Variants in IFNAR2 observed in about 807,000 individuals in gnomAD.
IFNAR2 encodes the protein interferon alpha/beta receptor 2.
Under a neutral mutation model 49.4 loss-of-function variants are expected in IFNAR2, and 30 were observed. The observed-to-expected ratio is 0.61, with a 90% CI of 0.45 to 0.82. IFNAR2 has a LOEUF of 0.82. Among genes scored for constraint, IFNAR2 ranks in the 40% least tolerant of loss-of-function variants. The pLI, the probability that IFNAR2 is intolerant of heterozygous loss-of-function variation, is 0.00. For synonymous variants in IFNAR2, 224 were observed against 234.5 expected, an observed-to-expected ratio of 0.96 and a Z score of 0.41; for missense variants, 600 against 622.7, an observed-to-expected ratio of 0.96 and a Z score of 0.39.
Position 33,263,744 on chromosome 21 carries a change from C to A in IFNAR2, c.*244C>A. On this transcript the variant is annotated 3_prime_UTR_variant, in exon 9 of 9. Coordinates refer to ENST00000342136, the MANE Select transcript of IFNAR2 (RefSeq NM_001289125.3). ...TTGAAGGAAGCACATGTGCACCTTTCCTTTACACTAATGCACTTAGGATGT... is the reference window on the plus strand; with the variant it reads ...TTGAAGGAAGCACATGTGCACCTTTACTTTACACTAATGCACTTAGGATGT... 1 of 515,222 alleles carries A rather than the reference C, an allele frequency of 1.9e-6. No individual in the cohort carries two copies. 31.9% of individuals were successfully genotyped at this position (515,222 alleles called of 1,614,324 possible).
chr21:33,263,616 CTG>C lies in IFNAR2; in HGVS notation c.*119_*120del, dbSNP rs767487515. On this transcript the variant is annotated 3_prime_UTR_variant, in exon 9 of 9. Transcript: ENST00000342136. ...GTTCTCCAAGGGAAGGAGGAGGAAA[CTG>C]TGGTGTTCCTTTCTTCCAGGTGACA... 36 of 960,040 alleles carry C rather than the reference CTG, an allele frequency of 3.7e-5. No individual in the cohort carries two copies. The highest frequency in any genetic ancestry group is 3.1e-4 in the South Asian group (18 of 58,994). 59.5% of individuals were successfully genotyped at this position (960,040 alleles called of 1,614,324 possible).
chr21:33,263,789 G>A lies in IFNAR2; in HGVS notation c.*289G>A, dbSNP rs1331960659. On this transcript the variant is annotated 3_prime_UTR_variant, in exon 9 of 9. Transcript: ENST00000342136. ...GGATGTTTCTGCATCATGTCTACCA[G>A]GGAGCAGGGTTCCCCACAGTTTCAG... The A allele has an allele frequency of 5.4e-6, 2 of 372,152 alleles. No individual in the cohort carries two copies. The highest frequency in any genetic ancestry group is 9.8e-6 in the Non-Finnish European group (2 of 203,850). 23.1% of individuals were successfully genotyped at this position (372,152 alleles called of 1,614,324 possible). A position where few individuals can be genotyped will look rare whatever the true frequency, so the allele number is the denominator to read the frequency against.
intron 1 of IFNAR2, among the ~76,000 whole-genome samples, chr21:33,241,371 TA>T (rs140202982): frequency 3.0e-4 from 45 of 152,218 alleles, no homozygotes; most frequent in African/African-American, 1.0e-3. Flanking sequence ...ATGTCTATAG[TA>T]GGGGTACTAA....
At chr21:33,262,703 G>A (rs1189435770) in intron 8 of IFNAR2, 90 bp from the exon 9 acceptor site, 2 of 1,543,386 alleles carry the variant, frequency 1.3e-6, no homozygotes, top group Middle Eastern at 1.7e-4. Context: ...GCATCCCTGT[G>A]CCCCAGTGAT....
chr21:33,241,801 C>T (rs903068307), intron 1 of IFNAR2, 39 bp from the exon 2 acceptor site: 1 of 1,473,042 alleles, frequency 6.8e-7, no homozygotes, highest in Non-Finnish European at 9.1e-7. Flanking sequence ...TTACAGGTCT[C>T]TCATTATCTT....
chr21:33,251,860 A>T, intron 6 of IFNAR2: 5 of 728,184 alleles, frequency 6.9e-6, no homozygotes, highest in Non-Finnish European at 8.4e-6. Flanking sequence ...AGGCAGGCAG[A>T]TCGCTTGCGG....
intron 1 of IFNAR2, among the ~76,000 whole-genome samples, chr21:33,240,572 G>A (rs1986843283): frequency 6.6e-6 from 1 of 152,142 alleles, no homozygotes; most frequent in African/African-American, 2.4e-5. Flanking sequence ...TGTAATCCCA[G>A]CACTTTGGGA....
rs546625529 is a variant in IFNAR2, at chr21:33,240,922, A to G, written c.-83-918A>G. 4.1e-4 allele frequency among the ~76,000 whole-genome samples: 63 copies of G among 152,330 alleles called. 2 individuals carry two copies. In the South Asian group the frequency reaches 0.013, roughly 32 times the overall value. On this transcript the variant is annotated intron_variant, in intron 1 of 8. Coordinates refer to ENST00000342136, the MANE Select transcript of IFNAR2 (RefSeq NM_001289125.3). ...GGATGGAACTGGAGGCCATTATCTT[A>G]AGAGAAACAACTCAGAAACAGTCAA... is the stretch of plus-strand genomic sequence containing the variant.
At chr21:33,248,007 G>A (rs1265044518) in intron 5 of IFNAR2, among the ~76,000 whole-genome samples, 1 of 152,154 alleles carries the variant, frequency 6.6e-6, no homozygotes, top group African/African-American at 2.4e-5. Context: ...CATGGTATTT[G>A]GGTTGTTAAA....
Position 33,230,051 on chromosome 21 carries a change from G to T in IFNAR2, c.-249G>T. ...AACAGTTCCCCGAGCGCAGCCCGCG[G>T]ACCACCACCCGGCCGCACGGGCCGC... On this transcript the variant is annotated 5_prime_UTR_variant, in exon 1 of 9. Transcript: ENST00000342136. The surrounding 1 kb of genome is among the most constrained non-coding windows in gnomAD (Gnocchi z 5.5). 1.0e-6 allele frequency: 1 copy of T among 986,050 alleles called. No individual in the cohort carries two copies. The highest frequency in any genetic ancestry group is 1.2e-6 in the Non-Finnish European group (1 of 830,150). 61.1% of individuals were successfully genotyped at this position (986,050 alleles called of 1,614,324 possible).
intron 1 of IFNAR2, among the ~76,000 whole-genome samples, chr21:33,234,028 A>G (rs1345122577): frequency 6.6e-6 from 1 of 152,032 alleles, no homozygotes; most frequent in Non-Finnish European, 1.5e-5. Context: ...GTGAATATAT[A>G]ATACTGCAAC....
chr21:33,244,635 C>G (rs1987251137), intron 3 of IFNAR2, among the ~76,000 whole-genome samples: 1 of 152,044 alleles, frequency 6.6e-6, no homozygotes, highest in African/African-American at 2.4e-5. Context: ...GCTGGGATGG[C>G]CTGGGTTATT....
intron 1 of IFNAR2, chr21:33,231,756 GT>G (rs1313286954): frequency 2.2e-6 from 2 of 915,808 alleles, no homozygotes; most frequent in Non-Finnish European, 2.6e-6. Context: ...GTTTGGTTTG[GT>G]TTTTGACAAA....
chr21:33,235,698 A>G (rs1041619911), intron 1 of IFNAR2, among the ~76,000 whole-genome samples: 1 of 152,184 alleles, frequency 6.6e-6, no homozygotes, highest in Non-Finnish European at 1.5e-5. Flanking sequence ...AGGCCAAGTC[A>G]GGTGGATCAT....
At chr21:33,244,901 A>G (rs756599198) in intron 3 of IFNAR2, 50 bp from the exon 4 acceptor site, 1 of 1,598,586 alleles carries the variant, frequency 6.3e-7, no homozygotes, top group Non-Finnish European at 8.6e-7. Context: ...AGTGGCCAGA[A>G]TACAACTGTG....
rs1231737490 is a variant in IFNAR2, at chr21:33,242,754, TGTGC to T, written c.55+781_55+784del. Among the ~76,000 whole-genome samples the T allele has an allele frequency of 9.0e-3, 56 of 6,194 alleles. 4 individuals are homozygous for T. Among genetic ancestry groups the T allele is most frequent in the Non-Finnish European group, 0.014 (48 of 3,436 alleles). The allele number at this position is 6,194 out of a possible 152,430, so 4.1% of individuals were successfully genotyped here. A position where few individuals can be genotyped will look rare whatever the true frequency, so the allele number is the denominator to read the frequency against. ...AAAAAAAAAAAAAAAAAAAATCTCG[TGTGC>T]GTGTGTGTGTGTGTGTGTGTGTGTG... On this transcript the variant is annotated intron_variant, in intron 2 of 8. Coordinates refer to ENST00000342136, the MANE Select transcript of IFNAR2 (RefSeq NM_001289125.3).
At chr21:33,240,949 A>T (rs1986876051) in intron 1 of IFNAR2, among the ~76,000 whole-genome samples, 1 of 152,220 alleles carries the variant, frequency 6.6e-6, no homozygotes, top group South Asian at 2.1e-4. Context: ...AACAGTCAAT[A>T]CCACATGTTC....
intron 5 of IFNAR2, among the ~76,000 whole-genome samples, chr21:33,247,246 C>CTTTTTTTTTTTTTT (rs71194830): frequency 4.0e-5 from 4 of 101,244 alleles, no homozygotes; most frequent in Non-Finnish European, 4.1e-5. Context: ...TTCTTTCTTT[C>CTTTTTTTTTTTTTT]TTTCTTTCTT....
intron 2 of IFNAR2, among the ~76,000 whole-genome samples, chr21:33,243,335 G>C (rs1017485250): frequency 6.6e-6 from 1 of 151,948 alleles, no homozygotes; most frequent in Non-Finnish European, 1.5e-5. Flanking sequence ...CACCCACCTC[G>C]GCCTCCCAAA....
Sources: gnomAD v4.1 joint callset for allele counts (sites outside exome capture counted in the v4.1 genomes callset) on GRCh38, gnomAD v4.1.1 for gene constraint, Gnocchi (gnomAD v3.1) non-coding constraint, MANE v1.5 for transcripts, NCBI Gene and HGNC (gene_info 2026-07-23, HGNC 2026-07-21) for gene names.